Variants in NETO1 observed in about 807,000 individuals in gnomAD.
The protein encoded by NETO1 is neuropilin and tolloid like 1.
In NETO1, 26 loss-of-function variants were observed where a neutral mutation model predicts 61.3. The observed-to-expected ratio is 0.42, with a 90% confidence interval of 0.31 to 0.59. The LOEUF is 0.59. Among genes scored for constraint, NETO1 ranks in the 20% least tolerant of loss-of-function variants. NETO1 has a pLI of 0.12. For synonymous variants in NETO1, 225 were observed against 225.8 expected, an observed-to-expected ratio of 1.00 and a Z score of 0.03; for missense variants, 531 against 662.8, an observed-to-expected ratio of 0.80 and a Z score of 2.18.
chr18:72,769,328 T>C (rs949905086), intron 7 of NETO1, among the ~76,000 whole-genome samples: 6 of 152,258 alleles, frequency 3.9e-5, no homozygotes, highest in Non-Finnish European at 7.4e-5. Context: ...GGAAGATAAA[T>C]GGTGGAGAAA....
In NETO1 at chr18:72,801,742, T is replaced by C. The variant is rs939028615; in HGVS notation, c.470-7338A>G. On this transcript the variant is annotated intron_variant, in intron 4 of 10. Transcript: ENST00000327305. The stretch of plus-strand genomic sequence containing the variant: ...TTTTGTAAATCTATTTACTTATCTA[T>C]CTAATTTGAAATCTTTTGTATTTAA... Among the ~76,000 whole-genome samples the C allele has an allele frequency of 4.6e-5, 7 of 152,182 alleles. 1 individual carries two copies. Among genetic ancestry groups the C allele is most frequent in the African/African-American group, 1.7e-4 (7 of 41,442 alleles).
chr18:72,811,255 T>C (rs1034495011), intron 4 of NETO1, among the ~76,000 whole-genome samples: 1 of 152,152 alleles, frequency 6.6e-6, no homozygotes, highest in African/African-American at 2.4e-5. Flanking sequence ...ACCTGTTCTG[T>C]AACGTGAAAC....
chr18:72,806,725 T>C (rs920700842), intron 4 of NETO1, among the ~76,000 whole-genome samples: 1 of 152,180 alleles, frequency 6.6e-6, no homozygotes, highest in African/African-American at 2.4e-5. Flanking sequence ...TCACTCTTCC[T>C]TGTTCTCATT....
In NETO1 at chr18:72,772,759, C is replaced by CTATATATCTA. The variant is rs1555684133; in HGVS notation, c.868+10918_868+10919insTAGATATATA. Among the ~76,000 whole-genome samples, 6 of 102,318 alleles carry CTATATATCTA rather than the reference C, an allele frequency of 5.9e-5. 1 individual carries two copies. Among genetic ancestry groups the CTATATATCTA allele is most frequent in the Non-Finnish European group, 1.2e-4 (6 of 51,462 alleles). 67.1% of individuals were successfully genotyped at this position (102,318 alleles called of 152,430 possible). ...CACACACACATCTCTCTATATATAT[C>CTATATATCTA]TATATATATATATATATACAGATCT... On this transcript the variant is annotated intron_variant, in intron 7 of 10. Transcript: ENST00000327305.
chr18:72,753,606 C>T (rs2070694450), intron 8 of NETO1, among the ~76,000 whole-genome samples: 1 of 152,084 alleles, frequency 6.6e-6, no homozygotes. Context: ...AAAAATTGAA[C>T]AGATACTAAA....
rs146242919 is a variant in NETO1 at position 72,788,238 on chromosome 18, C to T, written c.640-4332G>A. Among the ~76,000 whole-genome samples the T allele has an allele frequency of 8.0e-4, 122 of 152,072 alleles. 1 individual carries two copies. Among genetic ancestry groups the T allele is most frequent in the African/African-American group, 2.6e-3 (109 of 41,490 alleles). Reference sequence around the variant, plus strand: ...AATTAGAGAGTAAGTGAATCACTGCCGTCACTAGATCCCAGGTAATCACGT... The same window carrying T: ...AATTAGAGAGTAAGTGAATCACTGCTGTCACTAGATCCCAGGTAATCACGT... On this transcript the variant is annotated intron_variant, in intron 6 of 10. Coordinates refer to ENST00000327305, the MANE Select transcript of NETO1 (RefSeq NM_138966.5).
In NETO1 at chr18:72,867,318, G is replaced by A. The variant is rs2074771680; in HGVS notation, c.-27C>T. The A allele has an allele frequency of 3.2e-6, 5 of 1,560,066 alleles. No homozygotes were observed. Among genetic ancestry groups the A allele is most frequent in the Non-Finnish European group, 3.5e-6 (4 of 1,152,740 alleles). On this transcript the variant is annotated 5_prime_UTR_variant, in exon 1 of 11. Coordinates refer to ENST00000327305, the MANE Select transcript of NETO1 (RefSeq NM_138966.5). Reference sequence around the variant, plus strand: ...TCTGTGCGTTACACCAGAGGCTCCGGGCTCCACTAATTCCATTTAGAGACG... The same window carrying A: ...TCTGTGCGTTACACCAGAGGCTCCGAGCTCCACTAATTCCATTTAGAGACG...
intron 8 of NETO1, among the ~76,000 whole-genome samples, chr18:72,752,207 C>G (rs2070643102): frequency 6.6e-6 from 1 of 152,112 alleles, no homozygotes; most frequent in African/African-American, 2.4e-5. Context: ...CTCACAAAGG[C>G]TAGACTCAAG....
intron 4 of NETO1, among the ~76,000 whole-genome samples, chr18:72,831,401 C>T (rs1444989310): frequency 6.6e-6 from 1 of 152,168 alleles, no homozygotes; most frequent in Admixed American, 6.5e-5. Context: ...AAAGGTACCT[C>T]AAATGAAAGA....
intron 7 of NETO1, among the ~76,000 whole-genome samples, chr18:72,758,759 C>T (rs2070871785): frequency 6.6e-6 from 1 of 152,132 alleles, no homozygotes; most frequent in Non-Finnish European, 1.5e-5. Context: ...TCACCTGAAC[C>T]TGGGAGGTGG....
At chr18:72,833,337 T>C (rs1210362468) in intron 4 of NETO1, among the ~76,000 whole-genome samples, 1 of 152,150 alleles carries the variant, frequency 6.6e-6, no homozygotes, top group Admixed American at 6.5e-5. Flanking sequence ...TCAAGAAGAC[T>C]TTCTCTGACC....
chr18:72,827,090 CTTTT>C (rs75038247), intron 4 of NETO1, among the ~76,000 whole-genome samples: 1 of 142,736 alleles, frequency 7.0e-6, no homozygotes, highest in Non-Finnish European at 1.5e-5. Context: ...TCAATGCTTT[CTTTT>C]TTTTTTTTTT....
At chr18:72,771,013 T>C (rs970141577) in intron 7 of NETO1, among the ~76,000 whole-genome samples, 3 of 152,198 alleles carry the variant, frequency 2.0e-5, no homozygotes, top group Non-Finnish European at 4.4e-5. Context: ...GTTGATTATT[T>C]TGAAGATATT....
At chr18:72,785,655 C>T (rs1198182061) in intron 6 of NETO1, among the ~76,000 whole-genome samples, 1 of 152,138 alleles carries the variant, frequency 6.6e-6, no homozygotes, top group Non-Finnish European at 1.5e-5. Context: ...CGTCATTTAA[C>T]GTTAGGCATA....
chr18:72,788,635 C>T (rs1010063558), intron 6 of NETO1, among the ~76,000 whole-genome samples: 1 of 152,016 alleles, frequency 6.6e-6, no homozygotes, highest in African/African-American at 2.4e-5. Flanking sequence ...CTCAGTGAAT[C>T]ATTTTGATGC....
At chr18:72,836,090 C>A (rs1285513120) in intron 4 of NETO1, among the ~76,000 whole-genome samples, 2 of 152,172 alleles carry the variant, frequency 1.3e-5, no homozygotes, top group Non-Finnish European at 2.9e-5. Flanking sequence ...CTCAAGTAGG[C>A]CATCTTCCAG....
intron 7 of NETO1, among the ~76,000 whole-genome samples, chr18:72,776,993 G>C (rs1398150831): frequency 6.6e-6 from 1 of 152,190 alleles, no homozygotes; most frequent in African/African-American, 2.4e-5. Context: ...CTGTAAATCT[G>C]TGAATGAAAA....
intron 4 of NETO1, among the ~76,000 whole-genome samples, chr18:72,852,117 C>T (rs1168042558): frequency 6.6e-6 from 1 of 152,192 alleles, no homozygotes; most frequent in Non-Finnish European, 1.5e-5. Context: ...GGCGATTAGC[C>T]GATAAATAAA....
intron 4 of NETO1, among the ~76,000 whole-genome samples, chr18:72,819,126 TTCTG>T (rs1253954965): frequency 7.2e-5 from 11 of 152,176 alleles, no homozygotes; most frequent in Admixed American, 7.2e-4. Flanking sequence ...CCTTCCCACC[TTCTG>T]TCTGTCTTAC....
Sources: allele counts gnomAD v4.1 joint callset (sites outside exome capture counted in the v4.1 genomes callset), GRCh38; gene constraint gnomAD v4.1.1; transcripts MANE v1.5; gene names NCBI Gene and HGNC (gene_info 2026-07-23, HGNC 2026-07-21).